Variants in THRB observed in about 807,000 individuals in gnomAD.
THRB encodes the protein nuclear receptor subfamily 1 group A member 2.
In THRB, 12 loss-of-function variants were observed where a neutral mutation model predicts 47.8. The observed-to-expected ratio is 0.25, with a 90% confidence interval of 0.16 to 0.41. The LOEUF (loss-of-function observed/expected upper bound fraction) is 0.41, where lower values mean the gene tolerates loss of function less well. Ranked by LOEUF, THRB falls within the 10% of genes least tolerant of loss-of-function variation. THRB has a pLI of 1.00. For synonymous variants in THRB, 218 were observed against 212.2 expected, an observed-to-expected ratio of 1.03 and a Z score of -0.24; for missense variants, 348 against 589.2, an observed-to-expected ratio of 0.59 and a Z score of 4.24.
intron 3 of THRB, among the ~76,000 whole-genome samples, chr3:24,232,770 G>A (rs2048380751): frequency 6.6e-6 from 1 of 152,194 alleles, no homozygotes; most frequent in Non-Finnish European, 1.5e-5. Flanking sequence ...TTGAGTGGAG[G>A]TGGTGGAGAT....
At chr3:24,269,403 G>GCGCGCGCACA (rs1175063428) in intron 3 of THRB, among the ~76,000 whole-genome samples, 4 of 72,634 alleles carry the variant, frequency 5.5e-5, no homozygotes, top group African/African-American at 1.8e-4. Context: ...GCGCGCGCGC[G>GCGCGCGCACA]CACACACACA....
At chr3:24,485,527 G>T (rs1433947302) in intron 1 of THRB, among the ~76,000 whole-genome samples, 1 of 152,054 alleles carries the variant, frequency 6.6e-6, no homozygotes, top group Non-Finnish European at 1.5e-5. Context: ...CTATCCCAAA[G>T]AACTCTTTTA....
At chr3:24,160,717 G>A (rs1559482563) in intron 5 of THRB, among the ~76,000 whole-genome samples, 2 of 152,190 alleles carry the variant, frequency 1.3e-5, no homozygotes, top group Admixed American at 6.5e-5. Context: ...AGCAGAGTGG[G>A]TGGTAGGGCG....
At chr3:24,259,026 G>T (rs889948840) in intron 3 of THRB, among the ~76,000 whole-genome samples, 2 of 152,206 alleles carry the variant, frequency 1.3e-5, no homozygotes, top group Non-Finnish European at 2.9e-5. Flanking sequence ...TAGCTGAGAA[G>T]CTAACTTGGC....
intron 8 of THRB, among the ~76,000 whole-genome samples, chr3:24,139,389 C>CTT (rs5847276): frequency 0.18 from 26,506 of 143,916 alleles, 2,959 homozygotes; most frequent in East Asian, 0.51. Flanking sequence ...TCTTTTCTTT[C>CTT]TTTTTTTTTT....
At chr3:24,367,172 C>T (rs935166848) in intron 1 of THRB, among the ~76,000 whole-genome samples, 8 of 152,014 alleles carry the variant, frequency 5.3e-5, no homozygotes, top group African/African-American at 1.2e-4. Context: ...GGAAGCAGGA[C>T]GTGGAGATGT....
chr3:24,133,445 T>C lies in THRB; in HGVS notation c.756A>G (p.Gln252=). The part of the protein sequence containing the change: ...KRKFLPEDIG[Q]APIVNAPEGG... ...CTTCTGGGGCATTGACTATTGGTGC[T>C]TGTCCAATGTCTTCTGGCTAAGGAG... is the stretch of plus-strand genomic sequence containing the variant. The change falls in exon 9 of 11, where the codon CAA becomes CAG. Residue 252 remains glutamine (Q), a synonymous_variant. Coordinates refer to ENST00000646209, the MANE Select transcript of THRB (RefSeq NM_001354712.2). 1 of 1,614,164 alleles carries C rather than the reference T, an allele frequency of 6.2e-7. No homozygotes were observed. The highest frequency in any genetic ancestry group is 1.3e-5 in the African/African-American group (1 of 75,054).
intron 4 of THRB, among the ~76,000 whole-genome samples, chr3:24,208,084 C>T (rs773407797): frequency 6.6e-6 from 1 of 152,020 alleles, no homozygotes; most frequent in African/African-American, 2.4e-5. Flanking sequence ...CATGAGTGAA[C>T]CTTAATTCAC....
intron 5 of THRB, among the ~76,000 whole-genome samples, chr3:24,182,841 A>C (rs1467639641): frequency 6.6e-6 from 1 of 152,164 alleles, no homozygotes; most frequent in Non-Finnish European, 1.5e-5. Flanking sequence ...CATCACAGCA[A>C]GTCTGACCAC....
intron 3 of THRB, among the ~76,000 whole-genome samples, chr3:24,264,475 C>T (rs988253168): frequency 6.6e-6 from 1 of 152,094 alleles, no homozygotes; most frequent in African/African-American, 2.4e-5. Flanking sequence ...CTTGGAAAAG[C>T]TTTCTTTATA....
chr3:24,462,163 T>TAA (rs34213307), intron 1 of THRB, among the ~76,000 whole-genome samples: 4 of 146,424 alleles, frequency 2.7e-5, no homozygotes, highest in African/African-American at 1.0e-4. Flanking sequence ...ACATAATGGC[T>TAA]AAAAAAAAAA....
chr3:24,362,668 T>C lies in THRB; in HGVS notation c.-260-25297A>G, dbSNP rs61481710. On this transcript the variant is annotated intron_variant, in intron 1 of 10. Transcript: ENST00000646209. ...TGCCTAAGGCAAGGCCAGGCACTTATCTGGCACTTGATAAACATTTTTAGA... is the reference window on the plus strand; with the variant it reads ...TGCCTAAGGCAAGGCCAGGCACTTACCTGGCACTTGATAAACATTTTTAGA... Among the ~76,000 whole-genome samples the C allele has an allele frequency of 5.6e-3, 854 of 152,340 alleles. 9 individuals are homozygous for C. Among genetic ancestry groups the C allele is most frequent in the African/African-American group, 0.02 (823 of 41,592 alleles).
chr3:24,316,728 T>A (rs1403427602), intron 2 of THRB, among the ~76,000 whole-genome samples: 1 of 152,134 alleles, frequency 6.6e-6, no homozygotes, highest in Non-Finnish European at 1.5e-5. Flanking sequence ...CAGCTTCACA[T>A]ACAAGACCCC....
At chr3:24,163,546 A>G (rs1196007020) in intron 5 of THRB, among the ~76,000 whole-genome samples, 1 of 152,200 alleles carries the variant, frequency 6.6e-6, no homozygotes, top group Admixed American at 6.5e-5. Context: ...ACAACACTAC[A>G]AAAGGCATAT....
chr3:24,212,111 A>G (rs977119465), intron 4 of THRB, among the ~76,000 whole-genome samples: 1 of 152,146 alleles, frequency 6.6e-6, no homozygotes, highest in Non-Finnish European at 1.5e-5. Flanking sequence ...TGAAAATACA[A>G]AAATTGGCCA....
chr3:24,445,312 T>C (rs1560203739), intron 1 of THRB, among the ~76,000 whole-genome samples: 1 of 152,104 alleles, frequency 6.6e-6, no homozygotes, highest in Non-Finnish European at 1.5e-5. Flanking sequence ...AGGTGGTTAT[T>C]TATCAGCTAT....
intron 9 of THRB, among the ~76,000 whole-genome samples, chr3:24,128,198 G>A (rs1210651229): frequency 2.0e-5 from 3 of 152,172 alleles, no homozygotes; most frequent in Non-Finnish European, 2.9e-5. Context: ...GCTGGCAACT[G>A]GGCTTCCTTT....
intron 1 of THRB, among the ~76,000 whole-genome samples, chr3:24,376,372 G>A (rs938468550): frequency 1.3e-5 from 2 of 152,152 alleles, no homozygotes; most frequent in African/African-American, 4.8e-5. Context: ...GAAGAAAACT[G>A]AGACCTGATT....
intron 4 of THRB, among the ~76,000 whole-genome samples, chr3:24,208,801 T>C (rs1464772480): frequency 2.0e-5 from 3 of 151,966 alleles, no homozygotes; most frequent in Non-Finnish European, 4.4e-5. Context: ...AAGGACTTCA[T>C]GTCTAAAACA....
Sources: gnomAD v4.1 joint callset for allele counts (sites outside exome capture counted in the v4.1 genomes callset) on GRCh38, gnomAD v4.1.1 for gene constraint, MANE v1.5 for transcripts, NCBI Gene and HGNC (gene_info 2026-07-23, HGNC 2026-07-21) for gene names.